LRRC69: variants seen among roughly 807,000 people sequenced by gnomAD.
The protein encoded by LRRC69 is leucine rich repeat containing 69, also known as leucine-rich repeat-containing protein 69.
Under a neutral mutation model 37.8 loss-of-function variants are expected in LRRC69, and 42 were observed. The ratio of observed to expected loss-of-function variants is 1.11; its 90% CI spans 0.87 to 1.44. The LOEUF (loss-of-function observed/expected upper bound fraction) is 1.44, where lower values mean the gene tolerates loss of function less well. LRRC69 is among the 40% of genes most tolerant of loss of function. The pLI is 0.00. For synonymous variants in LRRC69, 141 were observed against 143.1 expected (o/e 0.99, Z 0.11); for missense variants, 357 against 401.9 (o/e 0.89, Z 0.96).
At chr8:91,180,497 A>G (rs1014402833) in intron 5 of LRRC69, among the ~76,000 whole-genome samples, 6 of 152,160 alleles carry the variant, frequency 3.9e-5, no homozygotes, top group African/African-American at 9.7e-5. Flanking sequence ...CTTCTGCTTT[A>G]TTCTATTCAT....
At chr8:91,207,785 T>TAC (rs2130639276) in intron 7 of LRRC69, among the ~76,000 whole-genome samples, 1 of 152,358 alleles carries the variant, frequency 6.6e-6, no homozygotes, top group East Asian at 1.9e-4. Context: ...CAGTGTGGGT[T>TAC]ACAGTGACTC....
chr8:91,172,286 A>G (rs1809147707), intron 5 of LRRC69, among the ~76,000 whole-genome samples: 1 of 152,014 alleles, frequency 6.6e-6, no homozygotes, highest in Non-Finnish European at 1.5e-5. Flanking sequence ...AGAAGTGTAA[A>G]TGCTATCTCA....
intron 7 of LRRC69, 83 bp downstream of exon 7, chr8:91,200,875 G>A (rs1809701554): frequency 1.6e-6 from 2 of 1,273,802 alleles, no homozygotes; most frequent in African/African-American, 3.2e-5. Context: ...ATACTAACTA[G>A]ATTTGTACCT....
intron 5 of LRRC69, among the ~76,000 whole-genome samples, chr8:91,159,809 A>G (rs1808904448): frequency 6.6e-6 from 1 of 151,212 alleles, no homozygotes; most frequent in South Asian, 2.1e-4. Context: ...TGGAAAAATC[A>G]AGAAGATAAA....
chr8:91,165,512 A>G (rs775194577), intron 5 of LRRC69, among the ~76,000 whole-genome samples: 1 of 151,624 alleles, frequency 6.6e-6, no homozygotes, highest in Non-Finnish European at 1.5e-5. Flanking sequence ...TCTTTCTTAT[A>G]CTTGTAAGAA....
chr8:91,188,540 A>T (rs1221768000), intron 5 of LRRC69, among the ~76,000 whole-genome samples: 2 of 152,106 alleles, frequency 1.3e-5, no homozygotes, highest in African/African-American at 4.8e-5. Context: ...CATTTCAAGG[A>T]CCTGGTTTAC....
chr8:91,141,020 A>C (rs531127021), intron 5 of LRRC69, among the ~76,000 whole-genome samples: 2 of 151,994 alleles, frequency 1.3e-5, no homozygotes, highest in East Asian at 3.9e-4. Flanking sequence ...ACTTTTTCTG[A>C]CATTTTTATT....
intron 1 of LRRC69, among the ~76,000 whole-genome samples, chr8:91,121,426 C>T (rs1231147212): frequency 3.3e-5 from 5 of 151,974 alleles, no homozygotes; most frequent in Non-Finnish European, 7.4e-5. Context: ...ACCTCTTTTT[C>T]GCTGAGTGTT....
intron 1 of LRRC69, among the ~76,000 whole-genome samples, chr8:91,106,544 C>A (rs1586220283): frequency 6.6e-6 from 1 of 151,990 alleles, no homozygotes; most frequent in East Asian, 1.9e-4. Flanking sequence ...GAAGTTATTA[C>A]CCTCATACTG....
intron 5 of LRRC69, among the ~76,000 whole-genome samples, chr8:91,189,199 C>T (rs1468601606): frequency 6.6e-6 from 1 of 152,140 alleles, no homozygotes; most frequent in Non-Finnish European, 1.5e-5. Context: ...TCCCAACACT[C>T]AATTTATTAA....
intron 5 of LRRC69, among the ~76,000 whole-genome samples, chr8:91,185,010 G>C (rs1809383145): frequency 6.6e-6 from 1 of 152,152 alleles, no homozygotes; most frequent in African/African-American, 2.4e-5. Flanking sequence ...GAAGTGGTAT[G>C]ATTTGCATTG....
chr8:91,180,405 G>C (rs1809304300), intron 5 of LRRC69, among the ~76,000 whole-genome samples: 1 of 152,132 alleles, frequency 6.6e-6, no homozygotes, highest in South Asian at 2.1e-4. Context: ...GCTTCCCCCA[G>C]AGTAAGTGAC....
At chr8:91,182,897 G>A (rs568016038) in intron 5 of LRRC69, among the ~76,000 whole-genome samples, 21 of 152,118 alleles carry the variant, frequency 1.4e-4, no homozygotes, top group Admixed American at 3.3e-4. Context: ...AACATAGATC[G>A]ACAATAGACA....
chr8:91,118,144 G>C, intron 1 of LRRC69: 1 of 455,298 alleles, frequency 2.2e-6, no homozygotes, highest in South Asian at 1.5e-5. Flanking sequence ...CCATTACTGG[G>C]TGTGCTCATG....
chr8:91,189,142 TA>T (rs1809450782), intron 5 of LRRC69, among the ~76,000 whole-genome samples: 1 of 152,246 alleles, frequency 6.6e-6, no homozygotes, highest in South Asian at 2.1e-4. Flanking sequence ...GTTAGGATGT[TA>T]TTTTTTGTTA....
At chr8:91,206,034 A>G (rs1472005342) in intron 7 of LRRC69, among the ~76,000 whole-genome samples, 1 of 152,206 alleles carries the variant, frequency 6.6e-6, no homozygotes, top group African/African-American at 2.4e-5. Flanking sequence ...GTCTGTCTCT[A>G]CCACTGAATA....
chr8:91,180,428 G>A lies in LRRC69; in HGVS notation c.652-9094G>A, dbSNP rs1351788143. Among the ~76,000 whole-genome samples, 6 of 151,968 alleles carry A rather than the reference G, an allele frequency of 3.9e-5. No individual in the cohort carries two copies. In the East Asian group the frequency reaches 1.2e-3, roughly 29 times the overall value. On this transcript the variant is annotated intron_variant, in intron 5 of 7. Transcript: ENST00000448384. ...CAGAGTAAGTGACTCACAAAGAAGA[G>A]AGAATAAGCAGGAATTGCAATACCT...
At chr8:91,127,443 G>C (rs551943865) in intron 3 of LRRC69, among the ~76,000 whole-genome samples, 1 of 151,904 alleles carries the variant, frequency 6.6e-6, no homozygotes, top group African/African-American at 2.4e-5. Context: ...GAGGTTCTTG[G>C]AGCTTGGTTA....
chr8:91,157,807 T>C (rs1808862907), intron 5 of LRRC69: 2 of 1,607,656 alleles, frequency 1.2e-6, no homozygotes. Flanking sequence ...AATGGGATTA[T>C]TCCCCACAAA....
Sources: allele counts gnomAD v4.1 joint callset (sites outside exome capture counted in the v4.1 genomes callset), GRCh38; gene constraint gnomAD v4.1.1; transcripts MANE v1.5; gene names NCBI Gene and HGNC (gene_info 2026-07-23, HGNC 2026-07-21).